The following ZNF441 variants were observed in gnomAD, a reference collection of about 807,000 sequenced individuals.
ZNF441 encodes the protein zinc finger protein 441.
A neutral mutation model predicts 64.5 loss-of-function variants in ZNF441; 25 were observed. The ratio of observed to expected loss-of-function variants is 0.39; its 90% CI spans 0.28 to 0.54. The LOEUF (loss-of-function observed/expected upper bound fraction) is 0.54. Among genes scored for constraint, ZNF441 ranks in the 20% least tolerant of loss-of-function variants. The pLI, the probability that ZNF441 is intolerant of heterozygous loss-of-function variation, is 0.70. For synonymous variants in ZNF441, 262 were observed against 268.0 expected (o/e 0.98, Z 0.22); for missense variants, 715 against 843.3 (o/e 0.85, Z 1.88).
Position 11,780,542 on chromosome 19 carries a change from C to G in ZNF441, c.718C>G (p.Leu240Val). 1.2e-6 allele frequency: 2 copies of G among 1,614,100 alleles called. No homozygotes were observed. Among genetic ancestry groups the G allele is most frequent in the Non-Finnish European group, 1.7e-6 (2 of 1,180,018 alleles). ...AGCGTTTCCTGCTTATAGTTCCACT[C>G]TAAGACATGAAAGAACACACAGTGG... Reference protein sequence around the residue: ...STAFPAYSSTLRHERTHSGEK... With the variant: ...STAFPAYSSTVRHERTHSGEK... Residue 240 changes from leucine (L) to valine (V), a missense_variant, in exon 4 of 4, where the codon CTA (leucine) becomes GTA (valine). Leu to Val is a conservative substitution (Grantham distance 32). This residue lies in a region of ZNF441 where 399 missense variants were observed against 413.9 expected (regional missense o/e 0.96). Transcript: ENST00000357901.
chr19:11,777,048 G>A (rs2145082043), intron 1 of ZNF441, among the ~76,000 whole-genome samples: 1 of 152,258 alleles, frequency 6.6e-6, no homozygotes, highest in East Asian at 1.9e-4. Flanking sequence ...GACCTCAGGT[G>A]ATCTGCCTGC....
chr19:11,772,611 T>C (rs1975323304), intron 1 of ZNF441, among the ~76,000 whole-genome samples: 1 of 152,092 alleles, frequency 6.6e-6, no homozygotes, highest in African/African-American at 2.4e-5. Context: ...ATTAAAACCT[T>C]CCACAATCCC....
At chr19:11,778,689 C>T (rs1333424394) in intron 3 of ZNF441, among the ~76,000 whole-genome samples, 1 of 152,140 alleles carries the variant, frequency 6.6e-6, no homozygotes, top group Non-Finnish European at 1.5e-5. Context: ...AGCTCCTGTC[C>T]TTAAGCGTTC....
At chr19:11,779,359 G>T (rs1975379387) in intron 3 of ZNF441, among the ~76,000 whole-genome samples, 1 of 150,670 alleles carries the variant, frequency 6.6e-6, no homozygotes. Flanking sequence ...AGAAAGGCTG[G>T]GTATGGTGGC....
intron 1 of ZNF441, among the ~76,000 whole-genome samples, chr19:11,777,008 C>T (rs904766774): frequency 1.3e-5 from 2 of 152,114 alleles, no homozygotes; most frequent in African/African-American, 2.4e-5. Context: ...CAGTGTTTCT[C>T]CCTGTTGGTC....
rs765341045 is a variant in ZNF441 at position 11,781,750 on chromosome 19, G to A, written c.1926G>A (p.Pro642=). 2.3e-5 allele frequency: 37 copies of A among 1,613,974 alleles called. 1 individual carries two copies. The highest frequency in any genetic ancestry group is 2.3e-5 in the Non-Finnish European group (27 of 1,179,990). The part of the protein sequence containing the change: ...IHERVHTGEK[P]YKCKECGKPF... Reference sequence around the variant, plus strand: ...AAAGAGTTCATACTGGAGAGAAGCCGTATAAATGTAAGGAATGTGGGAAAC... The same window carrying A: ...AAAGAGTTCATACTGGAGAGAAGCCATATAAATGTAAGGAATGTGGGAAAC... The change falls in exon 4 of 4, where the codon CCG becomes CCA. Residue 642 remains proline (P), a synonymous_variant. Transcript: ENST00000357901.
Position 11,767,255 on chromosome 19 carries a change from C to T in ZNF441, c.3+59C>T, listed in dbSNP as rs1213799354. 73 of 1,552,030 alleles carry T rather than the reference C, an allele frequency of 4.7e-5. No individual in the cohort carries two copies. The highest frequency in any genetic ancestry group is 5.8e-5 in the Non-Finnish European group (67 of 1,147,240). On this transcript the variant is annotated intron_variant, in intron 1 of 3. Coordinates refer to ENST00000357901, the MANE Select transcript of ZNF441 (RefSeq NM_152355.3). The surrounding 1 kb of genome is among the most constrained non-coding windows in gnomAD (Gnocchi z 5.1). ...AGAGGAGAGACTGGTTGGAACCGGC[C>T]GGAACCGGCTGTGGTGGCACCAGGT...
At chr19:11,778,495 G>A (rs376383133) in intron 3 of ZNF441, 102 bp downstream of exon 3, 11 of 946,292 alleles carry the variant, frequency 1.2e-5, no homozygotes, top group Non-Finnish European at 1.7e-5. Context: ...GTCTCACTTT[G>A]TTGCTCAGGC....
Position 11,777,727 on chromosome 19 carries a change from G to T in ZNF441, c.120G>T (p.Leu40=). The change falls in exon 2 of 4, where the codon CTG becomes CTT. Residue 40 remains leucine, a synonymous_variant. Transcript: ENST00000357901. The part of the protein sequence containing the change: ...RDVMQETIRN[L]DCIGMIWQNH... ...TGATGCAGGAAACCATCAGAAACCT[G>T]GACTGTATAGGTAAGGATGTCATCA... is the stretch of plus-strand genomic sequence containing the variant. 1 of 1,611,266 alleles carries T rather than the reference G, an allele frequency of 6.2e-7. No homozygotes were observed. Among genetic ancestry groups the T allele is most frequent in the Non-Finnish European group, 8.5e-7 (1 of 1,178,800 alleles).
intron 1 of ZNF441, among the ~76,000 whole-genome samples, chr19:11,775,882 C>A (rs1394818893): frequency 6.6e-6 from 1 of 152,080 alleles, no homozygotes; most frequent in Non-Finnish European, 1.5e-5. Context: ...CCTGCCTCAG[C>A]CTCCCAAAGT....
chr19:11,774,546 A>G (rs1975339978), intron 1 of ZNF441, among the ~76,000 whole-genome samples: 1 of 152,102 alleles, frequency 6.6e-6, no homozygotes, highest in South Asian at 2.1e-4. Flanking sequence ...ACATCTGTTG[A>G]ACATCTATAG....
chr19:11,778,511 T>A, intron 3 of ZNF441, 118 bp downstream of exon 3: 1 of 777,390 alleles, frequency 1.3e-6, no homozygotes, highest in Non-Finnish European at 2.1e-6. Context: ...CAGGCTGGAG[T>A]ACAGTGGTAT....
intron 1 of ZNF441, among the ~76,000 whole-genome samples, chr19:11,775,578 C>A (rs11666258): frequency 6.7e-6 from 1 of 149,746 alleles, no homozygotes; most frequent in Non-Finnish European, 1.5e-5. Context: ...ATCCGCCCAC[C>A]TCGGCCTCCC....
At chr19:11,779,988 C>T (rs1479238756) in intron 3 of ZNF441, 31 bp from the exon 4 acceptor site, 1 of 1,484,776 alleles carries the variant, frequency 6.7e-7, no homozygotes, top group East Asian at 2.3e-5. Flanking sequence ...TATAAACAAA[C>T]CTTTACTAAT....
At chr19:11,771,706 GGC>G (rs1975314553) in intron 1 of ZNF441, among the ~76,000 whole-genome samples, 1 of 152,232 alleles carries the variant, frequency 6.6e-6, no homozygotes, top group Non-Finnish European at 1.5e-5. Context: ...GCCACCAGGG[GGC>G]TCCTTGGTCT....
chr19:11,784,026 A>G lies in ZNF441; in HGVS notation c.*2120A>G, dbSNP rs187784000. The G allele has an allele frequency of 1.3e-5, 2 of 152,304 alleles. No homozygotes were observed. The highest frequency in any genetic ancestry group is 1.3e-4 in the Admixed American group (2 of 15,296). The allele number at this position is 152,304 out of a possible 1,614,324, so 9.4% of individuals were successfully genotyped here. Reference sequence around the variant, plus strand: ...AGAAATGCTCATGTGTACCTTATATATATGTAAAATATGTATCAATAAAAG... The same window carrying G: ...AGAAATGCTCATGTGTACCTTATATGTATGTAAAATATGTATCAATAAAAG... On this transcript the variant is annotated 3_prime_UTR_variant, in exon 4 of 4. Coordinates refer to ENST00000357901, the MANE Select transcript of ZNF441 (RefSeq NM_152355.3).
chr19:11,769,871 T>G (rs1201038917), intron 1 of ZNF441, among the ~76,000 whole-genome samples: 1 of 152,084 alleles, frequency 6.6e-6, no homozygotes, highest in Admixed American at 6.6e-5. Flanking sequence ...AGACGGTGTT[T>G]CACCATGTTA....
At chr19:11,778,727 G>C (rs1157935800) in intron 3 of ZNF441, among the ~76,000 whole-genome samples, 2 of 152,128 alleles carry the variant, frequency 1.3e-5, no homozygotes, top group Non-Finnish European at 2.9e-5. Context: ...CAAAAGGCAG[G>C]TATTGCAGGC....
At position 11,780,336 on chromosome 19, in the gene ZNF441, G is replaced by T. The variant is rs747994663; in HGVS notation, c.512G>T (p.Cys171Phe). 6.2e-7 allele frequency: 1 copy of T among 1,614,168 alleles called. No homozygotes were observed. The highest frequency in any genetic ancestry group is 1.1e-5 in the South Asian group (1 of 91,086). The change falls in exon 4 of 4, where the codon TGT (cysteine) becomes TTT (phenylalanine). Residue 171 changes from cysteine (C) to phenylalanine (F), a missense_variant. Transcript: ENST00000357901. ...RPQHGKKLYD[C>F]KECASFSSLE... ...CAGCATGGAAAGAAACTCTATGATTGTAAGGAATGTGCAAGCTTCAGTTCT... is the reference window on the plus strand; with the variant it reads ...CAGCATGGAAAGAAACTCTATGATTTTAAGGAATGTGCAAGCTTCAGTTCT...
Sources: allele counts gnomAD v4.1 joint callset (sites outside exome capture counted in the v4.1 genomes callset), GRCh38; gene constraint gnomAD v4.1.1; regional missense constraint gnomAD v4.1.1; non-coding constraint Gnocchi (gnomAD v3.1); transcripts MANE v1.5; gene names NCBI Gene and HGNC (gene_info 2026-07-23, HGNC 2026-07-21).